LTBP3: variants seen among roughly 807,000 people sequenced by gnomAD.
LTBP3 encodes the protein latent-transforming growth factor beta-binding protein 3.
LTBP3 carries 97 observed loss-of-function variants against 159.7 expected under a neutral mutation model. The observed-to-expected ratio is 0.61, with a 90% CI of 0.52 to 0.72. The LOEUF is 0.72. Ranked by LOEUF, LTBP3 falls within the 30% of genes least tolerant of loss-of-function variation. The pLI is 0.00. For synonymous variants in LTBP3, 824 were observed against 777.1 expected (o/e 1.06, Z -1.00); for missense variants, 1,584 against 1,864.3 (o/e 0.85, Z 2.77).
chr11:65,552,373 C>T lies in LTBP3; in HGVS notation c.1220G>A (p.Arg407His), dbSNP rs147206443. The T allele has an allele frequency of 2.5e-6, 4 of 1,613,752 alleles. No individual in the cohort carries two copies. The highest frequency in any genetic ancestry group is 3.4e-6 in the Non-Finnish European group (4 of 1,179,982). ...DKPEEKSLCF[R>H]LVSPEHQCQH... The stretch of plus-strand genomic sequence containing the variant: ...GCACTGGTGCTCAGGGCTCACCAGG[C>T]GGAAACACAGGCTCTTCTCCTCCGG... Residue 407 changes from arginine (R) to histidine (H), a missense_variant, in exon 7 of 28, where the codon CGC becomes CAC. Physicochemically the swap from Arg to His is conservative, Grantham distance 29. Transcript: ENST00000301873. The surrounding 1 kb of genome is among the most constrained non-coding windows in gnomAD (Gnocchi z 6.0).
chr11:65,553,732 C>T lies in LTBP3; in HGVS notation c.833G>A (p.Arg278His). 1.3e-6 allele frequency: 2 copies of T among 1,579,100 alleles called. No individual in the cohort carries two copies. The highest frequency in any genetic ancestry group is 1.8e-5 in the Admixed American group (1 of 57,114). The change falls in exon 3 of 28, where the codon CGC becomes CAC. Residue 278 changes from arginine to histidine, a missense_variant. Arg to His is a conservative substitution (Grantham distance 29, BLOSUM62 0). Coordinates refer to ENST00000301873, the MANE Select transcript of LTBP3 (RefSeq NM_001130144.3). The surrounding 1 kb of genome is among the most constrained non-coding windows in gnomAD (Gnocchi z 6.5). Reference sequence around the variant, plus strand: ...CTTGGGCAGAGTGTCCTGAAAGCAGCGGCCCAGGGGCTTCTGGGTGGGCGG... The same window carrying T: ...CTTGGGCAGAGTGTCCTGAAAGCAGTGGCCCAGGGGCTTCTGGGTGGGCGG... Reference protein sequence around the residue: ...PRPPTQKPLGRCFQDTLPKQP... With the variant: ...PRPPTQKPLGHCFQDTLPKQP...
At position 65,554,004 on chromosome 11, in the gene LTBP3, G is replaced by A; in HGVS notation, c.661+47C>T. On this transcript the variant is annotated intron_variant, in intron 2 of 27. Coordinates refer to ENST00000301873, the MANE Select transcript of LTBP3 (RefSeq NM_001130144.3). The surrounding 1 kb of genome is among the most constrained non-coding windows in gnomAD (Gnocchi z 5.3). ...AACCTGCCCTGCCCTGGCCACCCTA[G>A]TGCCCACCCACTGGCGACCTTCCCG... The A allele has an allele frequency of 6.3e-7, 1 of 1,592,676 alleles. No homozygotes were observed. The highest frequency in any genetic ancestry group is 8.5e-7 in the Non-Finnish European group (1 of 1,174,426).
chr11:65,540,863 G>A lies in LTBP3; in HGVS notation c.2977+8C>T, dbSNP rs754844647. On this transcript the variant is annotated splice_region_variant and intron_variant, in intron 21 of 27. Transcript: ENST00000301873. ...GGCGCGGGGCGGGCGGAGCCGCAGG[G>A]CGCTTACCACGGTGGGCTGGGATGC... 6.2e-7 allele frequency: 1 copy of A among 1,609,244 alleles called. No individual in the cohort carries two copies. Among genetic ancestry groups the A allele is most frequent in the South Asian group, 1.1e-5 (1 of 90,408 alleles).
chr11:65,546,373 C>T lies in LTBP3; in HGVS notation c.2353+69G>A, dbSNP rs953594959. On this transcript the variant is annotated intron_variant, in intron 16 of 27. Transcript: ENST00000301873. The surrounding 1 kb of genome is among the most constrained non-coding windows in gnomAD (Gnocchi z 4.0). ...CCTTCCACCCACTGTTTACAGACAGCGTGACCCGCTCCCCGGCTTCAGCGC... is the reference window on the plus strand; with the variant it reads ...CCTTCCACCCACTGTTTACAGACAGTGTGACCCGCTCCCCGGCTTCAGCGC... 2.7e-5 allele frequency: 40 copies of T among 1,473,014 alleles called. No individual in the cohort carries two copies. Among genetic ancestry groups the T allele is most frequent in the Non-Finnish European group, 3.3e-5 (37 of 1,115,456 alleles). The allele number at this position is 1,473,014 out of a possible 1,614,324, so 91.2% of individuals were successfully genotyped here.
chr11:65,542,287 TTACATGTTGGCCTCCCCTAGCTG>T (rs1856170874), intron 18 of LTBP3: 1 of 169,866 alleles, frequency 5.9e-6, no homozygotes, highest in African/African-American at 2.4e-5. Context: ...CAGAATCAGT[TTACATGTTGGCCTCCCCTAGCTG>T]GGAGCCCTGG....
chr11:65,540,453 G>A (rs534174825), intron 22 of LTBP3, 33 bp downstream of exon 22: 6 of 1,611,804 alleles, frequency 3.7e-6, no homozygotes, highest in Admixed American at 1.7e-5. Flanking sequence ...TCTCCCTGCC[G>A]CTTCCCCACG....
chr11:65,540,146 G>A lies in LTBP3; in HGVS notation c.3252C>T (p.Asp1084=), dbSNP rs765891223. The change falls in exon 24 of 28, where the codon GAC becomes GAT. Residue 1084 remains aspartate (D), a synonymous_variant. Coordinates refer to ENST00000301873, the MANE Select transcript of LTBP3 (RefSeq NM_001130144.3). ...GGCAGGCTGCCGGGTCCTGGCACTC[G>A]TCCACGTCTACGAACAGCGAGGGGG... ...QCLSPEEMDV[D]ECQDPAACRP... is the part of the protein sequence containing the mutation. 7 of 1,530,378 alleles carry A rather than the reference G, an allele frequency of 4.6e-6. No homozygotes were observed. Among genetic ancestry groups the A allele is most frequent in the Middle Eastern group, 1.7e-4 (1 of 5,824 alleles). 94.8% of individuals were successfully genotyped at this position (1,530,378 alleles called of 1,614,324 possible).
In LTBP3 at chr11:65,551,389, G is replaced by A. The variant is rs1226410724; in HGVS notation, c.1621+13C>T. 1.9e-6 allele frequency: 3 copies of A among 1,611,902 alleles called. No homozygotes were observed. The East Asian group carries it at 6.7e-5, about 36-fold the overall frequency. ...TAGCCCTTGAGGACTCATCCCTACA[G>A]TGCCCAGCTCACCGGGGTAGGGCCG... On this transcript the variant is annotated intron_variant, in intron 10 of 27. Coordinates refer to ENST00000301873, the MANE Select transcript of LTBP3 (RefSeq NM_001130144.3).
chr11:65,553,763 G>T lies in LTBP3; in HGVS notation c.802C>A (p.Pro268Thr). The T allele has an allele frequency of 6.4e-7, 1 of 1,573,716 alleles. No homozygotes were observed. Among genetic ancestry groups the T allele is most frequent in the East Asian group, 2.3e-5 (1 of 43,724 alleles). Residue 268 changes from proline to threonine, a missense_variant, in exon 3 of 28, where the codon CCC becomes ACC. Physicochemically the swap from Pro to Thr is conservative, Grantham distance 38. Transcript: ENST00000301873. The surrounding 1 kb of genome is among the most constrained non-coding windows in gnomAD (Gnocchi z 6.5). ...AGGGGCTTCTGGGTGGGCGGCCGGGGGTGCGAGGGCTTGGGGTGCGGCAGC... is the reference window on the plus strand; with the variant it reads ...AGGGGCTTCTGGGTGGGCGGCCGGGTGTGCGAGGGCTTGGGGTGCGGCAGC... Reference protein sequence around the residue: ...HLLPHPKPSHPRPPTQKPLGR... With the variant: ...HLLPHPKPSHTRPPTQKPLGR...
Sources: allele counts gnomAD v4.1 joint callset, GRCh38; gene constraint gnomAD v4.1.1; non-coding constraint Gnocchi (gnomAD v3.1); transcripts MANE v1.5; gene names NCBI Gene and HGNC (gene_info 2026-07-23, HGNC 2026-07-21).